Variants in BCL11A observed in about 807,000 individuals in gnomAD.
BCL11A encodes B cell CLL/lymphoma 11A.
In BCL11A, 2 loss-of-function variants were observed where a neutral mutation model predicts 55.9. The observed-to-expected ratio is 0.04, with a 90% CI of 0.01 to 0.11. The LOEUF is 0.11. Among genes scored for constraint, BCL11A ranks in the 10% least tolerant of loss-of-function variants. BCL11A has a pLI of 1.00. For missense variants in BCL11A, 817 were observed against 1,137.1 expected, an observed-to-expected ratio of 0.72 and a Z score of 4.05; for synonymous variants, 465 against 473.4, an observed-to-expected ratio of 0.98 and a Z score of 0.23.
At chr2:60,530,282 A>C in intron 2 of BCL11A, among the ~76,000 whole-genome samples, 1 of 148,642 alleles carries the variant, frequency 6.7e-6, no homozygotes, top group Admixed American at 6.8e-5. Context: ...GTTCTCAGCC[A>C]CCGACAGCTT....
In BCL11A at chr2:60,457,366, TAAAAA is replaced by T. The variant is rs1170337542; in HGVS notation, c.*3033_*3037del. On this transcript the variant is annotated 3_prime_UTR_variant, in exon 4 of 4. Coordinates refer to ENST00000642384, the MANE Select transcript of BCL11A (RefSeq NM_022893.4). Reference sequence around the variant, plus strand: ...TTGTAATGACCTTTGGTCATCTAAATAAAAAAAAAAATAAAAACAAAGAAAAATAA... The same window carrying T: ...TTGTAATGACCTTTGGTCATCTAAATAAAAAATAAAAACAAAGAAAAATAA... 1 of 705,940 alleles carries T rather than the reference TAAAAA, an allele frequency of 1.4e-6. No individual in the cohort carries two copies. The highest frequency in any genetic ancestry group is 6.4e-5 in the Admixed American group (1 of 15,532). The allele number at this position is 705,940 out of a possible 1,614,324, so 43.7% of individuals were successfully genotyped here.
chr2:60,453,682 A>G (rs1204738024), downstream of BCL11A, among the ~76,000 whole-genome samples: 4 of 152,182 alleles, frequency 2.6e-5, no homozygotes, highest in East Asian at 7.7e-4. Flanking sequence ...ACCTGCTACC[A>G]ATATTCAAAT....
At chr2:60,455,681 TAA>T (rs1028136849), downstream of BCL11A, among the ~76,000 whole-genome samples, 4 of 152,182 alleles carry the variant, frequency 2.6e-5, no homozygotes, top group Non-Finnish European at 5.9e-5. Context: ...CTAATTACGC[TAA>T]GAGCAGCATA....
chr2:60,507,625 C>A (rs557788703), intron 2 of BCL11A, among the ~76,000 whole-genome samples: 113 of 152,240 alleles, frequency 7.4e-4, no homozygotes, highest in African/African-American at 2.6e-3. Context: ...GAGTCTCTTA[C>A]ACAGGGCTGC....
intron 2 of BCL11A, among the ~76,000 whole-genome samples, chr2:60,476,062 C>A (rs912033683): frequency 1.3e-5 from 2 of 152,164 alleles, no homozygotes; most frequent in African/African-American, 4.8e-5. Context: ...AAGTCCAGGC[C>A]TCCTTTGGAC....
At chr2:60,485,564 G>A (rs1000352603) in intron 2 of BCL11A, among the ~76,000 whole-genome samples, 3 of 152,172 alleles carry the variant, frequency 2.0e-5, no homozygotes, top group African/African-American at 7.2e-5. Context: ...GTGTAAAGTG[G>A]CAAAAGCCAA....
intron 2 of BCL11A, among the ~76,000 whole-genome samples, chr2:60,497,691 T>C (rs1038243627): frequency 1.3e-5 from 2 of 152,168 alleles, no homozygotes; most frequent in African/African-American, 4.8e-5. Context: ...TTTAACATCC[T>C]TTACTTTTTT....
intron 2 of BCL11A, among the ~76,000 whole-genome samples, chr2:60,477,115 G>A (rs1264751108): frequency 6.6e-6 from 1 of 152,196 alleles, no homozygotes; most frequent in East Asian, 1.9e-4. Context: ...GGAAAGCCTT[G>A]CAAACCACAC....
intron 2 of BCL11A, among the ~76,000 whole-genome samples, chr2:60,530,434 C>T (rs1669397304): frequency 2.0e-5 from 3 of 151,734 alleles, no homozygotes; most frequent in Admixed American, 2.0e-4. Context: ...CACACCTGGT[C>T]GCCTGAACAC....
chr2:60,539,300 G>A (rs1331126066), intron 2 of BCL11A, among the ~76,000 whole-genome samples: 8 of 152,198 alleles, frequency 5.3e-5, no homozygotes, highest in African/African-American at 7.2e-5. Flanking sequence ...GTAACTGTGC[G>A]CCTATTGTAA....
At chr2:60,450,729 G>A (rs1430654463), downstream of BCL11A, 7 of 152,240 alleles carry the variant, frequency 4.6e-5, no homozygotes, top group Admixed American at 1.3e-4. Flanking sequence ...CAGGCCACTC[G>A]TGCAATCAGG....
chr2:60,493,380 G>A (rs1282138745), intron 2 of BCL11A, among the ~76,000 whole-genome samples: 2 of 152,052 alleles, frequency 1.3e-5, no homozygotes, highest in African/African-American at 2.4e-5. Context: ...TTGAGTCCAG[G>A]GAGCCCTCAT....
intron 2 of BCL11A, among the ~76,000 whole-genome samples, chr2:60,523,338 C>T (rs369436158): frequency 6.2e-4 from 94 of 152,254 alleles, no homozygotes; most frequent in Non-Finnish European, 1.1e-3. Context: ...CTCAATCCAG[C>T]GCTATGTGAA....
chr2:60,551,339 G>A lies in BCL11A; in HGVS notation c.55+1877C>T, dbSNP rs545785729. ...AAGCCAGGCCTGGGGAAGAGGGCAA[G>A]ACCCAAAGGGTGAAGTGCTCGGGGT... On this transcript the variant is annotated intron_variant, in intron 1 of 3. Coordinates refer to ENST00000642384, the MANE Select transcript of BCL11A (RefSeq NM_022893.4). Among the ~76,000 whole-genome samples the A allele has an allele frequency of 2.0e-5, 3 of 152,332 alleles. No individual in the cohort carries two copies. In the South Asian group the frequency reaches 6.2e-4, roughly 32 times the overall value.
intron 2 of BCL11A, among the ~76,000 whole-genome samples, chr2:60,477,106 G>A (rs1369202175): frequency 6.6e-6 from 1 of 152,152 alleles, no homozygotes; most frequent in Non-Finnish European, 1.5e-5. Context: ...TGGACACCTG[G>A]AAAGCCTTGC....
At position 60,546,362 on chromosome 2, in the gene BCL11A, G is replaced by GCACA; in HGVS notation, c.56-66_56-63dup. On this transcript the variant is annotated intron_variant, in intron 1 of 3. Coordinates refer to ENST00000642384, the MANE Select transcript of BCL11A (RefSeq NM_022893.4). The surrounding 1 kb of genome is among the most constrained non-coding windows in gnomAD (Gnocchi z 4.1). Reference sequence around the variant, plus strand: ...GCCAGAGAGGACAGAAAGGGGAGAAGCACATCTCAACCCCATGCCATCCCA... The same window carrying GCACA: ...GCCAGAGAGGACAGAAAGGGGAGAAGCACACACATCTCAACCCCATGCCATCCCA... The GCACA allele has an allele frequency of 7.0e-7, 1 of 1,426,096 alleles. No homozygotes were observed. The highest frequency in any genetic ancestry group is 1.3e-5 in the South Asian group (1 of 79,450). 88.3% of individuals were successfully genotyped at this position (1,426,096 alleles called of 1,614,324 possible).
Position 60,458,702 on chromosome 2 carries a change from C to G in BCL11A, c.*1702G>C. On this transcript the variant is annotated 3_prime_UTR_variant, in exon 4 of 4. Transcript: ENST00000642384. ...TTTCCCTTAAGTATAGACCTGTAAA[C>G]TGGGAAAATTGTACAGTGCACTTAA... 9.7e-7 allele frequency: 1 copy of G among 1,028,308 alleles called. No individual in the cohort carries two copies. Among genetic ancestry groups the G allele is most frequent in the Non-Finnish European group, 1.2e-6 (1 of 855,962 alleles). 63.7% of individuals were successfully genotyped at this position (1,028,308 alleles called of 1,614,324 possible).
At chr2:60,536,083 G>A (rs1046702121) in intron 2 of BCL11A, 2 of 152,172 alleles carry the variant, frequency 1.3e-5, no homozygotes, top group African/African-American at 4.8e-5. Context: ...TATCTCAGCT[G>A]GTGTGCAAGT....
At chr2:60,509,886 T>A (rs1350143358) in intron 2 of BCL11A, among the ~76,000 whole-genome samples, 1 of 152,014 alleles carries the variant, frequency 6.6e-6, no homozygotes, top group Non-Finnish European at 1.5e-5. Context: ...TCTGAGCACC[T>A]CCACAGCCTT....
Sources: allele counts gnomAD v4.1 joint callset (sites outside exome capture counted in the v4.1 genomes callset), GRCh38; gene constraint gnomAD v4.1.1; non-coding constraint Gnocchi (gnomAD v3.1); transcripts MANE v1.5; gene names NCBI Gene and HGNC (gene_info 2026-07-23, HGNC 2026-07-21).